The following ARPP21 variants were observed in gnomAD, a reference collection of about 807,000 sequenced individuals.
ARPP21 encodes the protein cAMP-regulated phosphoprotein 21.
In ARPP21, 69 loss-of-function variants were observed where a neutral mutation model predicts 113.2. The ratio of observed to expected loss-of-function variants is 0.61; its 90% CI spans 0.50 to 0.74. The LOEUF is 0.74. ARPP21 is among the 30% of genes least tolerant of loss of function. ARPP21 has a pLI of 0.00. For missense variants in ARPP21, 1,070 were observed against 1,037.4 expected, an observed-to-expected ratio of 1.03 and a Z score of -0.43; for synonymous variants, 368 against 375.5, an observed-to-expected ratio of 0.98 and a Z score of 0.23.
intron 11 of ARPP21, among the ~76,000 whole-genome samples, chr3:35,711,898 C>G (rs2091234672): frequency 6.6e-6 from 1 of 152,160 alleles, no homozygotes; most frequent in Non-Finnish European, 1.5e-5. Context: ...ATAACCTAAT[C>G]TTGGATATGA....
chr3:35,794,281 T>C lies in ARPP21; in HGVS notation c.*323T>C, dbSNP rs1435524360. On this transcript the variant is annotated 3_prime_UTR_variant, in exon 21 of 21. Coordinates refer to ENST00000684406, the MANE Select transcript of ARPP21 (RefSeq NM_001385562.1). ...TTAGTTTTGTACTTTGTGTTGAGTT[T>C]GTGATGCTAAAAGTATTTAAAAATT... 9.7e-6 allele frequency: 3 copies of C among 309,086 alleles called. No individual in the cohort carries two copies. In the East Asian group the frequency reaches 1.8e-4, roughly 19 times the overall value. The allele number at this position is 309,086 out of a possible 1,614,324, so 19.1% of individuals were successfully genotyped here.
At chr3:35,695,775 T>C (rs2083763074) in intron 9 of ARPP21, among the ~76,000 whole-genome samples, 2 of 151,566 alleles carry the variant, frequency 1.3e-5, no homozygotes, top group Admixed American at 1.3e-4. Flanking sequence ...CTCTACATTT[T>C]TTTAACATTT....
At position 35,739,395 on chromosome 3, in the gene ARPP21, G is replaced by A. The variant is rs2094532293; in HGVS notation, c.1828G>A (p.Gly610Ser). 11 of 1,614,114 alleles carry A rather than the reference G, an allele frequency of 6.8e-6. No individual in the cohort carries two copies. Among genetic ancestry groups the A allele is most frequent in the African/African-American group, 1.3e-5 (1 of 75,034 alleles). The change falls in exon 18 of 21, where the codon GGT becomes AGT. Residue 610 changes from glycine (G) to serine (S), a missense_variant. Coordinates refer to ENST00000684406, the MANE Select transcript of ARPP21 (RefSeq NM_001385562.1). ...GGGGGAGACTCCTGAACCCCCATCA[G>A]GTCCTGTCTACCCATCCTCCCTTAT... ...SSGETPEPPS[G>S]PVYPSSLMPQ... is the part of the protein sequence containing the mutation.
At chr3:35,652,846 C>A (rs556012906) in intron 1 of ARPP21, among the ~76,000 whole-genome samples, 1 of 152,076 alleles carries the variant, frequency 6.6e-6, no homozygotes, top group Non-Finnish European at 1.5e-5. Flanking sequence ...GTCATTTGTG[C>A]CATTTGTTCT....
Position 35,763,238 on chromosome 3 carries a change from A to T in ARPP21, c.2137+19273A>T, listed in dbSNP as rs529211824. 1.4e-3 allele frequency among the ~76,000 whole-genome samples: 208 copies of T among 152,218 alleles called. 3 individuals are homozygous for T. Among genetic ancestry groups the T allele is most frequent in the Middle Eastern group, 3.4e-3 (1 of 294 alleles). ...CGTTAAAACACCATTGGTTTTGATT[A>T]ATAGTTCTCTTACCTGCCTCATTTC... On this transcript the variant is annotated intron_variant, in intron 19 of 20. Transcript: ENST00000684406.
rs754184721 is a variant in ARPP21, at chr3:35,729,475, C to T, written c.1398C>T (p.Leu466=). Residue 466 remains leucine, a synonymous_variant, in exon 15 of 21, where the codon CTC becomes CTT. Coordinates refer to ENST00000684406, the MANE Select transcript of ARPP21 (RefSeq NM_001385562.1). ...QVAPSSTSYI[L]LPLEAATGIP... is the part of the protein sequence containing the mutation. ...CTCCCAGCAGCACCAGCTACATCCT[C>T]CTTCCACTTGAAGCTGCAACAGGCA... 2.9e-5 allele frequency: 47 copies of T among 1,614,244 alleles called. No individual in the cohort carries two copies. Among genetic ancestry groups the T allele is most frequent in the Middle Eastern group, 1.6e-4 (1 of 6,062 alleles).
intron 1 of ARPP21, among the ~76,000 whole-genome samples, chr3:35,657,707 C>T (rs571709254): frequency 6.6e-6 from 1 of 152,196 alleles, no homozygotes; most frequent in East Asian, 1.9e-4. Context: ...TGCAGATAGT[C>T]TCAGTTGACT....
At chr3:35,786,976 C>T (rs894288835) in intron 19 of ARPP21, among the ~76,000 whole-genome samples, 14 of 152,168 alleles carry the variant, frequency 9.2e-5, no homozygotes, top group South Asian at 2.1e-4. Context: ...GTGAACACCA[C>T]AGTGCTATCA....
rs139697709 is a variant in ARPP21 at position 35,722,647 on chromosome 3, C to T, written c.1225+813C>T. On this transcript the variant is annotated intron_variant, in intron 14 of 20. Coordinates refer to ENST00000684406, the MANE Select transcript of ARPP21 (RefSeq NM_001385562.1). ...GTTTTTTTCCAAGTGAAGCAAATAA[C>T]GATATTCTGAGGTAGGTAGTTCAAG... is the stretch of plus-strand genomic sequence containing the variant. Among the ~76,000 whole-genome samples, 167 of 152,106 alleles carry T rather than the reference C, an allele frequency of 1.1e-3. 1 individual carries two copies. The highest frequency in any genetic ancestry group is 4.0e-3 in the African/African-American group (165 of 41,494).
At chr3:35,695,683 G>A (rs1427087963) in intron 9 of ARPP21, among the ~76,000 whole-genome samples, 1 of 151,386 alleles carries the variant, frequency 6.6e-6, no homozygotes, top group African/African-American at 2.4e-5. Context: ...TTTGAGAAAG[G>A]GTAAGACTTA....
At chr3:35,722,289 T>G (rs927671534) in intron 14 of ARPP21, among the ~76,000 whole-genome samples, 1 of 152,214 alleles carries the variant, frequency 6.6e-6, no homozygotes, top group Admixed American at 6.5e-5. Context: ...AAACACGCCG[T>G]AGGATAATTA....
chr3:35,700,092 G>A (rs560066068), intron 9 of ARPP21, among the ~76,000 whole-genome samples: 1 of 151,746 alleles, frequency 6.6e-6, no homozygotes, highest in Non-Finnish European at 1.5e-5. Flanking sequence ...TGCTTTACTA[G>A]TGCCCAGCAC....
At position 35,690,142 on chromosome 3, in the gene ARPP21, T is replaced by C; in HGVS notation, c.545+2T>C. 1 of 1,393,630 alleles carries C rather than the reference T, an allele frequency of 7.2e-7. No individual in the cohort carries two copies. Among genetic ancestry groups the C allele is most frequent in the Non-Finnish European group, 1.0e-6 (1 of 980,296 alleles). The allele number at this position is 1,393,630 out of a possible 1,614,324, so 86.3% of individuals were successfully genotyped here. On this transcript the variant is annotated splice_donor_variant, in intron 8 of 20. Coordinates refer to ENST00000684406, the MANE Select transcript of ARPP21 (RefSeq NM_001385562.1). LOFTEE classifies it high-confidence loss of function. The stretch of plus-strand genomic sequence containing the variant: ...TATTGATTTCATTGCTGACAACAAG[T>C]ATGTTAAACTTCAATGCTGGTTAAT...
chr3:35,656,047 C>T (rs1407175763), intron 1 of ARPP21, among the ~76,000 whole-genome samples: 1 of 151,898 alleles, frequency 6.6e-6, no homozygotes, highest in East Asian at 1.9e-4. Flanking sequence ...TATAAAATTT[C>T]AAAACAAACT....
chr3:35,749,572 C>T (rs1576604001), intron 19 of ARPP21, among the ~76,000 whole-genome samples: 1 of 151,910 alleles, frequency 6.6e-6, no homozygotes, highest in Non-Finnish European at 1.5e-5. Context: ...TGTTCCTTCC[C>T]TTTCTATTTT....
chr3:35,646,519 G>T (rs570463993), intron 1 of ARPP21, among the ~76,000 whole-genome samples: 1 of 152,164 alleles, frequency 6.6e-6, no homozygotes, highest in East Asian at 1.9e-4. Flanking sequence ...ACTACTCAAT[G>T]CTTCTTTAAA....
intron 5 of ARPP21, among the ~76,000 whole-genome samples, chr3:35,686,923 G>A (rs1172192053): frequency 2.0e-5 from 3 of 151,314 alleles, no homozygotes; most frequent in Non-Finnish European, 4.4e-5. Context: ...AAATAAATAA[G>A]AATAAAAGTG....
intron 9 of ARPP21, among the ~76,000 whole-genome samples, chr3:35,703,132 G>T (rs1214569470): frequency 6.6e-6 from 1 of 151,762 alleles, no homozygotes; most frequent in African/African-American, 2.4e-5. Context: ...GGAAAATAAG[G>T]GAAGGATTAA....
At chr3:35,787,460 T>C (rs2096656597) in intron 19 of ARPP21, among the ~76,000 whole-genome samples, 1 of 152,204 alleles carries the variant, frequency 6.6e-6, no homozygotes, top group Non-Finnish European at 1.5e-5. Context: ...AAAGCTATAG[T>C]ATCACTGATT....
Sources: gnomAD v4.1 joint callset for allele counts (sites outside exome capture counted in the v4.1 genomes callset) on GRCh38, gnomAD v4.1.1 for gene constraint, MANE v1.5 for transcripts, NCBI Gene and HGNC (gene_info 2026-07-23, HGNC 2026-07-21) for gene names.